Variants in CHD1 observed in about 807,000 individuals in gnomAD.
CHD1 encodes chromodomain helicase DNA binding protein 1.
A neutral mutation model predicts 224.2 loss-of-function variants in CHD1; 36 were observed. That is an observed-to-expected ratio of 0.16 (90% confidence interval 0.12 to 0.21). The LOEUF is 0.21. Among genes scored for constraint, CHD1 ranks in the 10% least tolerant of loss-of-function variants. CHD1 has a pLI of 1.00. For missense variants in CHD1, 1,378 were observed against 1,994.8 expected (o/e 0.69, Z 5.89); for synonymous variants, 668 against 658.3 (o/e 1.01, Z -0.23).
chr5:98,902,537 G>T (rs183385064), intron 5 of CHD1, among the ~76,000 whole-genome samples: 33 of 152,024 alleles, frequency 2.2e-4, no homozygotes, highest in Middle Eastern at 3.4e-3. Flanking sequence ...GAATAGTAAG[G>T]ATAGCTATTA....
intron 2 of CHD1, among the ~76,000 whole-genome samples, chr5:98,918,243 A>G (rs1752871354): frequency 6.6e-6 from 1 of 151,402 alleles, no homozygotes; most frequent in Admixed American, 6.6e-5. Context: ...TATTTTTAGT[A>G]GAGACGGGGT....
intron 2 of CHD1, among the ~76,000 whole-genome samples, chr5:98,916,550 A>T (rs1243628625): frequency 1.3e-5 from 2 of 150,912 alleles, no homozygotes; most frequent in Non-Finnish European, 1.5e-5. Flanking sequence ...CGTCTCAAAA[A>T]AAAAAAAAAA....
At chr5:98,869,616 G>GTGCACA (rs1749165124) in intron 30 of CHD1, 138 bp downstream of exon 30, 1 of 737,852 alleles carries the variant, frequency 1.4e-6, no homozygotes, top group African/African-American at 5.5e-5. Context: ...GTGCGCACGT[G>GTGCACA]CGCGCGCACA....
At chr5:98,890,324 A>G (rs557068563) in intron 15 of CHD1, among the ~76,000 whole-genome samples, 10 of 152,212 alleles carry the variant, frequency 6.6e-5, no homozygotes, top group Non-Finnish European at 1.2e-4. Context: ...ACCACTAGTT[A>G]TACAGGCAGT....
chr5:98,922,480 A>T (rs1324646612), intron 2 of CHD1, among the ~76,000 whole-genome samples: 7 of 152,140 alleles, frequency 4.6e-5, no homozygotes, highest in African/African-American at 1.7e-4. Flanking sequence ...AATAGTTAAA[A>T]ATTTTTTTTT....
intron 2 of CHD1, among the ~76,000 whole-genome samples, chr5:98,922,894 C>T (rs994286063): frequency 8.6e-5 from 13 of 152,022 alleles, no homozygotes; most frequent in Non-Finnish European, 5.9e-5. Context: ...GAGGCTGAGG[C>T]AGGAAAATTG....
intron 1 of CHD1, among the ~76,000 whole-genome samples, chr5:98,927,618 T>C (rs1418655839): frequency 6.6e-6 from 1 of 152,218 alleles, no homozygotes; most frequent in African/African-American, 2.4e-5. Flanking sequence ...CAACATTTAT[T>C]CCTAATGTTA....
rs943458986 is a variant in CHD1 at position 98,900,575 on chromosome 5, G to A, written c.859+236C>T. ...TTGCCTCGGCTTCCCAAGTAGCTGG[G>A]ACTACAGGTGCGCACCACCTCACCT... On this transcript the variant is annotated intron_variant, in intron 7 of 35. Coordinates refer to ENST00000614616, the MANE Select transcript of CHD1 (RefSeq NM_001270.4). Among the ~76,000 whole-genome samples the A allele has an allele frequency of 4.6e-5, 7 of 151,794 alleles. 1 individual carries two copies. Among genetic ancestry groups the A allele is most frequent in the African/African-American group, 1.7e-4 (7 of 41,342 alleles).
rs1342990766 is a variant in CHD1 at position 98,860,461 on chromosome 5, AT to A, written c.4428-394del. On this transcript the variant is annotated intron_variant, in intron 32 of 35. Coordinates refer to ENST00000614616, the MANE Select transcript of CHD1 (RefSeq NM_001270.4). ...GTGGAAATACCATCAGATAATATGA[AT>A]TATGCTTGTAAAGAATTGTCTTAAA... The A allele has an allele frequency of 1.2e-5, 3 of 249,956 alleles. No individual in the cohort carries two copies. The Admixed American group carries it at 1.6e-4, about 13-fold the overall frequency. 15.5% of individuals were successfully genotyped at this position (249,956 alleles called of 1,614,324 possible). A position where few individuals can be genotyped will look rare whatever the true frequency, so the allele number is the denominator to read the frequency against.
At chr5:98,894,185 G>A (rs895399693) in intron 13 of CHD1, among the ~76,000 whole-genome samples, 1 of 152,114 alleles carries the variant, frequency 6.6e-6, no homozygotes, top group Non-Finnish European at 1.5e-5. Flanking sequence ...GTAGATGGAG[G>A]AATTAAATAA....
intron 2 of CHD1, among the ~76,000 whole-genome samples, chr5:98,910,211 T>C (rs543368711): frequency 1.3e-5 from 2 of 152,300 alleles, no homozygotes; most frequent in East Asian, 3.9e-4. Context: ...TGTATGTTCA[T>C]GTCATCACTC....
intron 2 of CHD1, among the ~76,000 whole-genome samples, chr5:98,916,030 T>A (rs985877780): frequency 6.6e-6 from 1 of 151,788 alleles, no homozygotes; most frequent in East Asian, 1.9e-4. Flanking sequence ...CCGTCCTAAC[T>A]AAATACAAAA....
At chr5:98,876,708 A>G in intron 23 of CHD1, 150 bp from the exon 24 acceptor site, 1 of 655,118 alleles carries the variant, frequency 1.5e-6, no homozygotes, top group South Asian at 2.1e-5. Flanking sequence ...CAAACAGAGA[A>G]AAATATATAC....
intron 31 of CHD1, among the ~76,000 whole-genome samples, chr5:98,867,641 TTCAC>T (rs1748982041): frequency 6.6e-6 from 1 of 152,222 alleles, no homozygotes; most frequent in African/African-American, 2.4e-5. Flanking sequence ...GGAAAACAAA[TTCAC>T]TCAAAGTACT....
intron 2 of CHD1, among the ~76,000 whole-genome samples, chr5:98,905,901 T>C (rs941955297): frequency 2.0e-5 from 3 of 152,318 alleles, no homozygotes; most frequent in Non-Finnish European, 4.4e-5. Context: ...TGTTTATATG[T>C]TGAAAACTAG....
chr5:98,885,804 TTC>T, intron 17 of CHD1, 155 bp from the exon 18 acceptor site: 1 of 575,684 alleles, frequency 1.7e-6, no homozygotes, highest in Non-Finnish European at 3.1e-6. Flanking sequence ...TGCTCAGGCA[TTC>T]TGTCTTTAGT....
At chr5:98,870,605 TCAGA>T (rs1211644972) in intron 29 of CHD1, 78 bp downstream of exon 29, 1 of 665,492 alleles carries the variant, frequency 1.5e-6, no homozygotes, top group Non-Finnish European at 2.6e-6. Context: ...CATATTGACT[TCAGA>T]TGTTTAGCAT....
intron 32 of CHD1, among the ~76,000 whole-genome samples, chr5:98,862,909 T>C (rs1039403505): frequency 6.6e-6 from 1 of 152,230 alleles, no homozygotes; most frequent in African/African-American, 2.4e-5. Context: ...AGAATTTTAA[T>C]ATAATCCTTT....
chr5:98,902,801 A>C, intron 5 of CHD1, 99 bp downstream of exon 5: 1 of 668,210 alleles, frequency 1.5e-6, no homozygotes. Flanking sequence ...CTAAGAATTT[A>C]GAAGAGTCTC....
Sources: gnomAD v4.1 joint callset for allele counts (sites outside exome capture counted in the v4.1 genomes callset) on GRCh38, gnomAD v4.1.1 for gene constraint, MANE v1.5 for transcripts, NCBI Gene and HGNC (gene_info 2026-07-23, HGNC 2026-07-21) for gene names.